The following POU6F2 variants were observed in gnomAD, a reference collection of about 807,000 sequenced individuals.
The protein encoded by POU6F2 is POU domain, class 6, transcription factor 2.
Under a neutral mutation model 71.3 loss-of-function variants are expected in POU6F2, and 31 were observed. The ratio of observed to expected loss-of-function variants is 0.43; its 90% CI spans 0.33 to 0.59. The LOEUF (loss-of-function observed/expected upper bound fraction) is 0.59. Among genes scored for constraint, POU6F2 ranks in the 20% least tolerant of loss-of-function variants. POU6F2 has a pLI of 0.04. For synonymous variants in POU6F2, 347 were observed against 355.7 expected (o/e 0.98, Z 0.27); for missense variants, 783 against 856.8 (o/e 0.91, Z 1.07).
intron 5 of POU6F2, among the ~76,000 whole-genome samples, chr7:39,385,217 CA>C (rs1786911312): frequency 6.6e-6 from 1 of 152,178 alleles, no homozygotes; most frequent in Admixed American, 6.5e-5. Context: ...GAAAATGAGA[CA>C]CAGTAAGTTC....
At chr7:39,000,475 G>T (rs528018567) in intron 1 of POU6F2, among the ~76,000 whole-genome samples, 1 of 151,402 alleles carries the variant, frequency 6.6e-6, no homozygotes, top group Non-Finnish European at 1.5e-5. Flanking sequence ...TCTGCTAAAT[G>T]TTCTCTTCAT....
intron 2 of POU6F2, among the ~76,000 whole-genome samples, chr7:39,160,097 T>C (rs1467970150): frequency 2.0e-5 from 3 of 152,096 alleles, no homozygotes; most frequent in African/African-American, 2.4e-5. Flanking sequence ...TCAGCAAACA[T>C]AGGAGAGGAC....
intron 2 of POU6F2, among the ~76,000 whole-genome samples, chr7:39,149,315 T>C (rs1051546407): frequency 1.3e-5 from 2 of 152,248 alleles, no homozygotes; most frequent in Non-Finnish European, 2.9e-5. Context: ...TTGCAGGGAA[T>C]ATTATGGCAA....
At chr7:39,130,973 C>A (rs1044385826) in intron 2 of POU6F2, among the ~76,000 whole-genome samples, 4 of 152,224 alleles carry the variant, frequency 2.6e-5, no homozygotes, top group African/African-American at 9.6e-5. Flanking sequence ...AGCGCTGAAC[C>A]ACTTTCACAG....
rs527729665 is a variant in POU6F2, at chr7:39,151,853, G to A, written c.278-52382G>A. The stretch of plus-strand genomic sequence containing the variant: ...GACTCCAGCAGAGGACTGGAGTCTG[G>A]AAAAAGTAAGGAAGGGGACCGCTGG... On this transcript the variant is annotated intron_variant, in intron 2 of 9. Coordinates refer to ENST00000518318, the MANE Select transcript of POU6F2 (RefSeq NM_001370959.1). Among the ~76,000 whole-genome samples the A allele has an allele frequency of 1.6e-3, 244 of 152,270 alleles. 2 individuals are homozygous for A. Among genetic ancestry groups the A allele is most frequent in the African/African-American group, 5.5e-3 (227 of 41,538 alleles).
At chr7:39,016,934 A>T (rs1032142205) in intron 1 of POU6F2, among the ~76,000 whole-genome samples, 3 of 152,230 alleles carry the variant, frequency 2.0e-5, no homozygotes, top group African/African-American at 7.2e-5. Flanking sequence ...GACTGTGGAG[A>T]CCTTGCCGAA....
chr7:39,099,286 C>T (rs1791521255), intron 2 of POU6F2, among the ~76,000 whole-genome samples: 1 of 152,224 alleles, frequency 6.6e-6, no homozygotes. Flanking sequence ...CTGTGGGCGG[C>T]AGCAAATGCC....
chr7:39,366,509 G>A (rs547663579), intron 5 of POU6F2, among the ~76,000 whole-genome samples: 1 of 152,220 alleles, frequency 6.6e-6, no homozygotes, highest in East Asian at 1.9e-4. Context: ...TAGTCCCTGG[G>A]TATGAGCTTC....
At chr7:39,034,990 A>G (rs1225043249) in intron 1 of POU6F2, among the ~76,000 whole-genome samples, 1 of 151,902 alleles carries the variant, frequency 6.6e-6, no homozygotes, top group Admixed American at 6.6e-5. Flanking sequence ...CCATCTATCC[A>G]TCTTCAGGTC....
intron 4 of POU6F2, among the ~76,000 whole-genome samples, chr7:39,315,428 G>T (rs1002006169): frequency 1.3e-5 from 2 of 152,128 alleles, no homozygotes; most frequent in Non-Finnish European, 2.9e-5. Flanking sequence ...ACACATAATA[G>T]GTACTCAATG....
chr7:39,171,398 G>C (rs992583597), intron 2 of POU6F2, among the ~76,000 whole-genome samples: 1 of 151,990 alleles, frequency 6.6e-6, no homozygotes, highest in Non-Finnish European at 1.5e-5. Context: ...CTTAAAGGTG[G>C]AATATCCAAT....
chr7:39,170,222 A>G (rs1401106507), intron 2 of POU6F2, among the ~76,000 whole-genome samples: 1 of 152,178 alleles, frequency 6.6e-6, no homozygotes, highest in Admixed American at 6.5e-5. Context: ...TAGTCTTTAC[A>G]TATTTCTATT....
At chr7:39,100,757 C>A (rs937765274) in intron 2 of POU6F2, among the ~76,000 whole-genome samples, 2 of 152,122 alleles carry the variant, frequency 1.3e-5, no homozygotes, top group African/African-American at 4.8e-5. Flanking sequence ...CTGTATCGCC[C>A]CTTAGATGTC....
intron 2 of POU6F2, among the ~76,000 whole-genome samples, chr7:39,103,619 A>G (rs1336458759): frequency 6.6e-6 from 1 of 152,178 alleles, no homozygotes; most frequent in Non-Finnish European, 1.5e-5. Flanking sequence ...AGAGAAAACT[A>G]GATCTTTAGC....
intron 1 of POU6F2, among the ~76,000 whole-genome samples, chr7:39,011,056 TG>T (rs1372532919): frequency 1.4e-4 from 18 of 126,556 alleles, no homozygotes; most frequent in Non-Finnish European, 2.7e-4. Context: ...GGTGCAGAGC[TG>T]AGTTCAATTC....
At chr7:39,145,175 C>T (rs1410478085) in intron 2 of POU6F2, among the ~76,000 whole-genome samples, 1 of 152,102 alleles carries the variant, frequency 6.6e-6, no homozygotes, top group Non-Finnish European at 1.5e-5. Flanking sequence ...TGTCTTTTTA[C>T]AAAAATTCAC....
chr7:39,446,602 A>C (rs993645876), intron 7 of POU6F2, among the ~76,000 whole-genome samples: 1 of 152,234 alleles, frequency 6.6e-6, no homozygotes, highest in Non-Finnish European at 1.5e-5. Context: ...CTGTTATTTC[A>C]GTCTATTTTT....
At chr7:38,984,054 G>A (rs1188122107) in intron 1 of POU6F2, among the ~76,000 whole-genome samples, 1 of 151,972 alleles carries the variant, frequency 6.6e-6, no homozygotes, top group African/African-American at 2.4e-5. Context: ...CCTTTCAACA[G>A]CACTTTTTTA....
At chr7:39,047,785 C>T (rs572595649) in intron 1 of POU6F2, among the ~76,000 whole-genome samples, 1 of 151,868 alleles carries the variant, frequency 6.6e-6, no homozygotes, top group Admixed American at 6.6e-5. Context: ...TGTCAACTGC[C>T]TTTTCTTTTT....
Sources: gnomAD v4.1 joint callset for allele counts (sites outside exome capture counted in the v4.1 genomes callset) on GRCh38, gnomAD v4.1.1 for gene constraint, MANE v1.5 for transcripts, NCBI Gene and HGNC (gene_info 2026-07-23, HGNC 2026-07-21) for gene names.